Variants in ZFHX3 observed in about 807,000 individuals in gnomAD.
ZFHX3 encodes zinc finger homeobox 3, also known as zinc finger homeobox protein 3.
A neutral mutation model predicts 279.1 loss-of-function variants in ZFHX3; 42 were observed. That is an observed-to-expected ratio of 0.15 (90% CI 0.12 to 0.19). The LOEUF is 0.19. ZFHX3 is among the 10% of genes least tolerant of loss of function. ZFHX3 has a pLI of 1.00. For synonymous variants in ZFHX3, 2,293 were observed against 1,957.8 expected (o/e 1.17, Z -4.52); for missense variants, 4,981 against 4,754.0 (o/e 1.05, Z -1.40).
At chr16:73,601,266 T>C (rs893635985) in intron 2 of ZFHX3, among the ~76,000 whole-genome samples, 5 of 138,886 alleles carry the variant, frequency 3.6e-5, no homozygotes, top group Admixed American at 7.5e-5. Flanking sequence ...TCCTGGCCAA[T>C]ATGGTGAAAC....
intron 4 of ZFHX3, among the ~76,000 whole-genome samples, chr16:73,311,459 A>C (rs2015323518): frequency 9.4e-6 from 1 of 106,170 alleles, no homozygotes; most frequent in African/African-American, 3.7e-5. Flanking sequence ...GCCAGGTGGC[A>C]GACGCTTGTA....
intron 7 of ZFHX3, among the ~76,000 whole-genome samples, chr16:73,121,515 G>A (rs1966498686): frequency 6.6e-6 from 1 of 152,054 alleles, no homozygotes; most frequent in Non-Finnish European, 1.5e-5. Flanking sequence ...CTTGAGAACA[G>A]TTTTCCCAAT....
chr16:73,035,743 A>C (rs1160821537), intron 1 of ZFHX3, among the ~76,000 whole-genome samples: 1 of 152,124 alleles, frequency 6.6e-6, no homozygotes, highest in Non-Finnish European at 1.5e-5. Flanking sequence ...AAACAAAACA[A>C]AAATTAGCCG....
At chr16:73,503,053 C>T (rs1185237777) in intron 2 of ZFHX3, among the ~76,000 whole-genome samples, 1 of 152,190 alleles carries the variant, frequency 6.6e-6, no homozygotes, top group Non-Finnish European at 1.5e-5. Flanking sequence ...GAACTGCAGG[C>T]CCCCTTTCCA....
upstream of ZFHX3, among the ~76,000 whole-genome samples, chr16:73,048,557 G>A (rs1965385777): frequency 6.6e-6 from 1 of 152,334 alleles, no homozygotes; most frequent in Non-Finnish European, 1.5e-5. Flanking sequence ...GCTCATCAAA[G>A]GTCAGGGGCC....
At chr16:73,345,774 A>G (rs1457167254) in intron 3 of ZFHX3, among the ~76,000 whole-genome samples, 3 of 152,080 alleles carry the variant, frequency 2.0e-5, no homozygotes, top group Non-Finnish European at 4.4e-5. Context: ...GGGATGGCTG[A>G]GACCCAGCTA....
intron 2 of ZFHX3, among the ~76,000 whole-genome samples, chr16:73,516,712 T>C (rs376750175): frequency 1.2e-4 from 18 of 152,316 alleles, no homozygotes; most frequent in Middle Eastern, 3.4e-3. Context: ...TTTCATCACA[T>C]GAACCCAGGA....
chr16:73,094,546 C>T (rs1966133164), intron 7 of ZFHX3: 1 of 148,172 alleles, frequency 6.7e-6, no homozygotes, highest in Non-Finnish European at 1.5e-5. Flanking sequence ...CGGTGGGCGC[C>T]AAAGTGGATG....
intron 1 of ZFHX3, among the ~76,000 whole-genome samples, chr16:72,996,173 A>G (rs1963282362): frequency 6.6e-6 from 1 of 151,966 alleles, no homozygotes; most frequent in African/African-American, 2.4e-5. Context: ...AATCTCAGCT[A>G]CTCAGGAGGC....
rs1159007255 is a variant in ZFHX3, at chr16:73,364,457, C to T, written c.-1290-46121G>A. Among the ~76,000 whole-genome samples, 8 of 151,914 alleles carry T rather than the reference C, an allele frequency of 5.3e-5. 1 individual carries two copies. The highest frequency in any genetic ancestry group is 4.6e-4 in the Admixed American group (7 of 15,240). ...GGAACTAAACAGAAGTATTTCCTGA[C>T]CTCGTAGTTCTTTCGGTCTGGTCAG... On this transcript the variant is annotated intron_variant, in intron 3 of 17. Coordinates refer to the ZFHX3 transcript ENST00000641206.
chr16:72,787,257 G>T lies in ZFHX3; in HGVS notation c.11019C>A (p.Asp3673Glu), dbSNP rs145799976. The stretch of plus-strand genomic sequence containing the variant: ...GACCCTCCACCGGGCTCGCCGGTCC[G>T]TCGGACTTTTGGCTGAGATCCGTGT... ...ESDTDLSQKSDGPASPVEGPK... is the reference protein window; with the variant it reads ...ESDTDLSQKSEGPASPVEGPK... The change falls in exon 10 of 10, where the codon GAC becomes GAA. Residue 3673 changes from aspartate (D) to glutamate (E), a missense_variant. Asp to Glu is a conservative substitution (Grantham distance 45). Coordinates refer to ENST00000268489, the MANE Select transcript of ZFHX3 (RefSeq NM_006885.4). 2 of 1,614,064 alleles carry T rather than the reference G, an allele frequency of 1.2e-6. No homozygotes were observed. Among genetic ancestry groups the T allele is most frequent in the Non-Finnish European group, 1.7e-6 (2 of 1,180,022 alleles).
intron 5 of ZFHX3, among the ~76,000 whole-genome samples, chr16:73,218,801 C>T (rs2144918034): frequency 6.6e-6 from 1 of 152,204 alleles, no homozygotes; most frequent in Admixed American, 6.5e-5. Context: ...TAAACACATA[C>T]AACATGAAAT....
chr16:73,793,789 T>C (rs1332536139), intron 1 of ZFHX3, among the ~76,000 whole-genome samples: 1 of 152,162 alleles, frequency 6.6e-6, no homozygotes, highest in Non-Finnish European at 1.5e-5. Context: ...CTGTTTCAAA[T>C]GTTATTTCTC....
chr16:73,327,755 T>C (rs1025599763), intron 3 of ZFHX3, among the ~76,000 whole-genome samples: 1 of 152,240 alleles, frequency 6.6e-6, no homozygotes, highest in Non-Finnish European at 1.5e-5. Flanking sequence ...ATCTTTGTGA[T>C]TGATGACAAC....
In ZFHX3 at chr16:72,811,930, G is replaced by T. The variant is rs1262223784; in HGVS notation, c.3638C>A (p.Thr1213Lys). The T allele has an allele frequency of 6.2e-7, 1 of 1,614,044 alleles. No individual in the cohort carries two copies. Among genetic ancestry groups the T allele is most frequent in the Admixed American group, 1.7e-5 (1 of 60,002 alleles). ...ESPLSSKRPK[T>K]AEEIKPEQMY... ...CTGCTCCGGTTTGATCTCCTCAGCT[G>T]TTTTTGGTCGCTTCGAAGAGAGGGG... Residue 1213 changes from threonine to lysine, a missense_variant, in exon 6 of 10, where the codon ACA becomes AAA. By Grantham distance (78) the Thr-to-Lys change is moderately conservative. Coordinates refer to ENST00000268489, the MANE Select transcript of ZFHX3 (RefSeq NM_006885.4).
chr16:73,664,809 C>T (rs1597054888), intron 2 of ZFHX3, among the ~76,000 whole-genome samples: 1 of 152,230 alleles, frequency 6.6e-6, no homozygotes, highest in Non-Finnish European at 1.5e-5. Context: ...CATTCAGATA[C>T]ACCCGGAGGA....
In ZFHX3 at chr16:72,940,812, AG is replaced by A. The variant is rs1960376287; in HGVS notation, c.3216+9656del. On this transcript the variant is annotated intron_variant, in intron 3 of 9. Transcript: ENST00000268489. ...AACAGGTTACAAACCAAACACTATCAGTAGATAAACATTTCTAACCTTCTAA... is the reference window on the plus strand; with the variant it reads ...AACAGGTTACAAACCAAACACTATCATAGATAAACATTTCTAACCTTCTAA... Among the ~76,000 whole-genome samples, 5 of 152,378 alleles carry A rather than the reference AG, an allele frequency of 3.3e-5. No homozygotes were observed. The South Asian group carries it at 1.0e-3, about 32-fold the overall frequency.
At chr16:73,463,305 A>G (rs2018504625) in intron 2 of ZFHX3, among the ~76,000 whole-genome samples, 1 of 152,200 alleles carries the variant, frequency 6.6e-6, no homozygotes, top group South Asian at 2.1e-4. Context: ...AGAAAAGAAA[A>G]CTGAAGTACA....
chr16:73,625,692 G>A lies in ZFHX3; in HGVS notation c.-1547+54488C>T, dbSNP rs1460388744. Among the ~76,000 whole-genome samples, 3 of 152,314 alleles carry A rather than the reference G, an allele frequency of 2.0e-5. No homozygotes were observed. In the East Asian group the frequency reaches 5.8e-4, roughly 29 times the overall value. ...CCAGCGGCATTTGTGTCACTTGGGAGCTTGTTCAAATGCAGGTTCTGATTC... is the reference window on the plus strand; with the variant it reads ...CCAGCGGCATTTGTGTCACTTGGGAACTTGTTCAAATGCAGGTTCTGATTC... On this transcript the variant is annotated intron_variant, in intron 2 of 17. Coordinates refer to the ZFHX3 transcript ENST00000641206.
Sources: allele counts gnomAD v4.1 joint callset (sites outside exome capture counted in the v4.1 genomes callset), GRCh38; gene constraint gnomAD v4.1.1; transcripts MANE v1.5; gene names NCBI Gene and HGNC (gene_info 2026-07-23, HGNC 2026-07-21).